Variants in PSMA6 observed in about 807,000 individuals in gnomAD.
PSMA6 encodes proteasome subunit alpha type-6.
For missense variants in PSMA6, 170 were observed against 294.8 expected (o/e 0.58, Z 3.10); for synonymous variants, 88 against 97.7 (o/e 0.90, Z 0.59).
intron 1 of PSMA6, 81 bp from the exon 2 acceptor site, chr14:35,307,913 A>G: frequency 7.4e-7 from 1 of 1,354,732 alleles, no homozygotes; most frequent in East Asian, 2.5e-5. Flanking sequence ...GCTCTTTCTC[A>G]TTCTTTTTAA....
chr14:35,294,131 G>A (rs1055382126), intron 1 of PSMA6, among the ~76,000 whole-genome samples: 14 of 152,186 alleles, frequency 9.2e-5, no homozygotes, highest in African/African-American at 3.4e-4. Context: ...CGCAATCTCC[G>A]CCTCCCGGGT....
At chr14:35,290,089 CTT>C (rs2051461724), upstream of PSMA6, among the ~76,000 whole-genome samples, 3 of 152,068 alleles carry the variant, frequency 2.0e-5, no homozygotes, top group African/African-American at 7.2e-5. Context: ...AAGGAGTTCT[CTT>C]TCAAACGTGG....
At chr14:35,290,707 C>T (rs894638422), upstream of PSMA6, among the ~76,000 whole-genome samples, 8 of 152,270 alleles carry the variant, frequency 5.3e-5, no homozygotes, top group African/African-American at 1.9e-4. Context: ...CTTCCTTGTA[C>T]ACAAACCATC....
chr14:35,317,088 A>G, intron 6 of PSMA6, 161 bp from the exon 7 acceptor site: 1 of 541,600 alleles, frequency 1.8e-6, no homozygotes, highest in Non-Finnish European at 3.3e-6. Context: ...ATCTGAGGGA[A>G]GATAAGTGTG....
intron 4 of PSMA6, among the ~76,000 whole-genome samples, chr14:35,311,273 A>T (rs887584940): frequency 1.3e-5 from 2 of 152,244 alleles, no homozygotes. Flanking sequence ...ACCCTAAAGA[A>T]TTAGGGTCAC....
At chr14:35,282,336 G>A (rs1377483236) in intron 1 of PSMA6, among the ~76,000 whole-genome samples, 1 of 152,116 alleles carries the variant, frequency 6.6e-6, no homozygotes, top group East Asian at 1.9e-4. Context: ...CTGGACTCAA[G>A]CAATCCTCCT....
chr14:35,314,532 G>T, intron 6 of PSMA6, 77 bp downstream of exon 6: 1 of 1,402,964 alleles, frequency 7.1e-7, no homozygotes, highest in African/African-American at 1.5e-5. Flanking sequence ...ACTTGTGGGG[G>T]AAATCTTTTT....
chr14:35,312,368 G>T (rs1227611648), intron 4 of PSMA6, among the ~76,000 whole-genome samples: 1 of 151,864 alleles, frequency 6.6e-6, no homozygotes, highest in Non-Finnish European at 1.5e-5. Flanking sequence ...TTAGCTGGGC[G>T]TGGTGGTGGG....
chr14:35,311,062 A>G (rs2051934913), intron 4 of PSMA6, 167 bp downstream of exon 4: 3 of 633,540 alleles, frequency 4.7e-6, no homozygotes, highest in African/African-American at 3.7e-5. Context: ...AGGTTTCACA[A>G]CAGTATGTCG....
chr14:35,302,134 CAT>C (rs1269502416), intron 1 of PSMA6, among the ~76,000 whole-genome samples: 8 of 152,060 alleles, frequency 5.3e-5, no homozygotes, highest in African/African-American at 1.9e-4. Flanking sequence ...GGGACTAGGA[CAT>C]AGATATATTT....
At position 35,308,294 on chromosome 14, in the gene PSMA6, G is replaced by T; in HGVS notation, c.171+206G>T. The T allele has an allele frequency of 6.8e-6, 3 of 443,262 alleles. No homozygotes were observed. The South Asian group carries it at 8.7e-5, about 13-fold the overall frequency. 27.5% of individuals were successfully genotyped at this position (443,262 alleles called of 1,614,324 possible). A position where few individuals can be genotyped will look rare whatever the true frequency, so the allele number is the denominator to read the frequency against. On this transcript the variant is annotated intron_variant, in intron 2 of 6. Coordinates refer to ENST00000261479, the MANE Select transcript of PSMA6 (RefSeq NM_002791.3). ...AAATTAGTCAGGCGTGGTGGCACATGCCTGTAATTCCAGCTACTCGGGAGG... is the reference window on the plus strand; with the variant it reads ...AAATTAGTCAGGCGTGGTGGCACATTCCTGTAATTCCAGCTACTCGGGAGG...
At chr14:35,283,696 C>T (rs2051392714) in intron 1 of PSMA6, among the ~76,000 whole-genome samples, 1 of 151,874 alleles carries the variant, frequency 6.6e-6, no homozygotes, top group South Asian at 2.1e-4. Context: ...ACTGGGACCG[C>T]TGGCACACAC....
intron 6 of PSMA6, 47 bp downstream of exon 6, chr14:35,314,502 G>T: frequency 6.4e-7 from 1 of 1,563,970 alleles, no homozygotes; most frequent in South Asian, 1.2e-5. Flanking sequence ...GTGGAGGCGT[G>T]TGAGTCCATG....
At chr14:35,293,363 G>C (rs1218157119) in intron 1 of PSMA6, 1 of 190,802 alleles carries the variant, frequency 5.2e-6, no homozygotes, top group Admixed American at 5.8e-5. Context: ...CGCTGAAACG[G>C]TGTCAAGGTT....
intron 1 of PSMA6, among the ~76,000 whole-genome samples, chr14:35,296,851 C>T (rs964330209): frequency 7.2e-5 from 11 of 152,170 alleles, no homozygotes; most frequent in Admixed American, 2.6e-4. Context: ...CATACACATA[C>T]ATACATGTGC....
upstream of PSMA6, among the ~76,000 whole-genome samples, chr14:35,291,380 G>A (rs1160259810): frequency 6.6e-6 from 1 of 152,116 alleles, no homozygotes; most frequent in Admixed American, 6.5e-5. Context: ...ACCACGCCTG[G>A]CTAATTTTTT....
intron 3 of PSMA6, among the ~76,000 whole-genome samples, chr14:35,310,034 C>CT (rs1289963671): frequency 1.7e-4 from 26 of 152,088 alleles, no homozygotes; most frequent in Admixed American, 1.5e-3. Context: ...ACTCAGGAGG[C>CT]TGAGGTAGGA....
chr14:35,300,817 G>A (rs118077986), intron 1 of PSMA6, among the ~76,000 whole-genome samples: 2,505 of 152,230 alleles, frequency 0.016, 34 homozygotes, highest in Non-Finnish European at 0.023. Flanking sequence ...AGGGCAGGAG[G>A]TTAGAGTCAA....
At chr14:35,311,947 A>G (rs1594393735) in intron 4 of PSMA6, among the ~76,000 whole-genome samples, 1 of 152,298 alleles carries the variant, frequency 6.6e-6, no homozygotes, top group Non-Finnish European at 1.5e-5. Flanking sequence ...TTAAAAAAAA[A>G]GTATTTCTTG....
Sources: gnomAD v4.1 joint callset for allele counts (sites outside exome capture counted in the v4.1 genomes callset) on GRCh38, gnomAD v4.1.1 for gene constraint, MANE v1.5 for transcripts, NCBI Gene and HGNC (gene_info 2026-07-23, HGNC 2026-07-21) for gene names.